Variants in BMERB1 observed in about 807,000 individuals in gnomAD.
BMERB1 encodes the protein bMERB domain containing 1, also known as bMERB domain-containing protein 1.
Under a neutral mutation model 23.6 loss-of-function variants are expected in BMERB1, and 12 were observed. The ratio of observed to expected loss-of-function variants is 0.51; its 90% CI spans 0.33 to 0.82. The LOEUF (loss-of-function observed/expected upper bound fraction) is 0.82. Among genes scored for constraint, BMERB1 ranks in the 40% least tolerant of loss-of-function variants. The pLI, the probability that BMERB1 is intolerant of heterozygous loss-of-function variation, is 0.03. For missense variants in BMERB1, 247 were observed against 255.4 expected, an observed-to-expected ratio of 0.97 and a Z score of 0.22; for synonymous variants, 122 against 96.6, an observed-to-expected ratio of 1.26 and a Z score of -1.54.
chr16:15,456,229 A>C (rs2051086370), intron 1 of BMERB1, among the ~76,000 whole-genome samples: 1 of 152,042 alleles, frequency 6.6e-6, no homozygotes, highest in South Asian at 2.1e-4. Flanking sequence ...TAACACATGG[A>C]TTTTAAAAAA....
At chr16:15,465,347 ATATATATTT>A (rs200420217) in intron 1 of BMERB1, among the ~76,000 whole-genome samples, 2,166 of 67,550 alleles carry the variant, frequency 0.032, 55 homozygotes, top group African/African-American at 0.069. Context: ...CAATGCTAAG[ATATATATTT>A]TTTTTTTTTT....
intron 1 of BMERB1, among the ~76,000 whole-genome samples, chr16:15,505,330 C>T (rs2051576243): frequency 1.3e-5 from 2 of 152,184 alleles, no homozygotes; most frequent in South Asian, 4.1e-4. Flanking sequence ...AATTATCAAC[C>T]TTTTTGATTA....
At chr16:15,550,074 C>T (rs145993113) in intron 2 of BMERB1, among the ~76,000 whole-genome samples, 1,655 of 151,968 alleles carry the variant, frequency 0.011, 22 homozygotes, top group Non-Finnish European at 0.013. Flanking sequence ...CTCAGCTTCC[C>T]GAGTAGCTGG....
chr16:15,439,415 A>C (rs1318431086), intron 1 of BMERB1, among the ~76,000 whole-genome samples: 1 of 152,192 alleles, frequency 6.6e-6, no homozygotes, highest in Non-Finnish European at 1.5e-5. Context: ...GCGCTCAATC[A>C]AGGTTGAATG....
intron 2 of BMERB1, among the ~76,000 whole-genome samples, chr16:15,516,716 C>T (rs757728383): frequency 1.9e-4 from 29 of 151,728 alleles, no homozygotes; most frequent in Non-Finnish European, 3.4e-4. Context: ...TGTGATCATC[C>T]CATTTTGCAG....
chr16:15,479,226 G>C (rs2051298522), intron 1 of BMERB1, among the ~76,000 whole-genome samples: 1 of 152,178 alleles, frequency 6.6e-6, no homozygotes, highest in Non-Finnish European at 1.5e-5. Context: ...TCCAATAGAA[G>C]ACTTTTTGAT....
intron 5 of BMERB1, 30 bp from the exon 6 acceptor site, chr16:15,586,687 C>G (rs902512787): frequency 2.6e-6 from 4 of 1,542,686 alleles, no homozygotes; most frequent in Non-Finnish European, 3.5e-6. Context: ...TCCTTTCTCC[C>G]CCTCTCCCTG....
chr16:15,526,969 TTTATTA>T (rs200416391), intron 2 of BMERB1, among the ~76,000 whole-genome samples: 1 of 148,012 alleles, frequency 6.8e-6, no homozygotes, highest in Non-Finnish European at 1.5e-5. Flanking sequence ...TTTATTATAT[TTTATTA>T]TTATTATAGT....
At chr16:15,521,667 C>T (rs559245945) in intron 2 of BMERB1, among the ~76,000 whole-genome samples, 3 of 152,220 alleles carry the variant, frequency 2.0e-5, no homozygotes, top group South Asian at 2.1e-4. Context: ...TTTGCTTGAC[C>T]CCTGGTTTCC....
At chr16:15,463,503 T>G (rs565850769) in intron 1 of BMERB1, among the ~76,000 whole-genome samples, 1 of 152,274 alleles carries the variant, frequency 6.6e-6, no homozygotes, top group African/African-American at 2.4e-5. Flanking sequence ...GAGTTGGGCT[T>G]TGTGGAGACA....
chr16:15,576,283 G>A lies in BMERB1; in HGVS notation c.305-4934G>A, dbSNP rs367674183. ...AGGATGGTCTCAACCTCCTGATCTC[G>A]TGATCTGCCCGCCTCGGCCTACCAA... On this transcript the variant is annotated intron_variant, in intron 3 of 5. Transcript: ENST00000300006. Among the ~76,000 whole-genome samples, 6 of 152,040 alleles carry A rather than the reference G, an allele frequency of 3.9e-5. No homozygotes were observed. The East Asian group carries it at 9.6e-4, about 24-fold the overall frequency.
At chr16:15,579,540 C>T (rs950167231) in intron 3 of BMERB1, among the ~76,000 whole-genome samples, 7 of 152,174 alleles carry the variant, frequency 4.6e-5, no homozygotes, top group Admixed American at 1.3e-4. Context: ...CAACGTCAGT[C>T]GTGGGCAGGC....
rs1419961871 is a variant in BMERB1 at position 15,515,442 on chromosome 16, G to A, written c.230+14G>A. ...GCTCAGGTTCATGTGAGTGTTTTGG[G>A]GATGTGGCCAAGGAAAGAAGTGTGT... On this transcript the variant is annotated intron_variant, in intron 2 of 5. Transcript: ENST00000300006. 1.2e-6 allele frequency: 2 copies of A among 1,611,794 alleles called. No individual in the cohort carries two copies. Among genetic ancestry groups the A allele is most frequent in the Middle Eastern group, 1.7e-4 (1 of 6,032 alleles).
At position 15,510,138 on chromosome 16, in the gene BMERB1, A is replaced by G. The variant is rs372926799; in HGVS notation, c.107-5167A>G. On this transcript the variant is annotated intron_variant, in intron 1 of 5. Transcript: ENST00000300006. The stretch of plus-strand genomic sequence containing the variant: ...CTGGAGAGCGCGTGACCCTGCCAAC[A>G]CCTTGGTTTCCGACTTCTGGCTTCC... 5.8e-4 allele frequency among the ~76,000 whole-genome samples: 89 copies of G among 152,198 alleles called. 3 individuals are homozygous for G. The South Asian group carries it at 0.018, about 30-fold the overall frequency.
At chr16:15,570,155 T>A (rs945586989) in intron 3 of BMERB1, among the ~76,000 whole-genome samples, 1 of 152,132 alleles carries the variant, frequency 6.6e-6, no homozygotes. Context: ...GACTTGAATG[T>A]TTTTGCCATG....
rs117080119 is a variant in BMERB1 at position 15,438,385 on chromosome 16, C to T, written c.106+3626C>T. Among the ~76,000 whole-genome samples the T allele has an allele frequency of 2.0e-3, 307 of 151,860 alleles. 6 individuals carry two copies. The East Asian group carries it at 0.045, about 22-fold the overall frequency. On this transcript the variant is annotated intron_variant, in intron 1 of 5. Transcript: ENST00000300006. ...TACAGGCATGAGCCACCACACCTGGCGAAAGCTGAAATTCTTAAAACGTGG... is the reference window on the plus strand; with the variant it reads ...TACAGGCATGAGCCACCACACCTGGTGAAAGCTGAAATTCTTAAAACGTGG...
At chr16:15,537,371 T>A (rs932034168) in intron 2 of BMERB1, among the ~76,000 whole-genome samples, 18 of 152,202 alleles carry the variant, frequency 1.2e-4, no homozygotes, top group Admixed American at 3.3e-4. Context: ...TTTTTTTTTT[T>A]TGAGACAGCA....
intron 2 of BMERB1, among the ~76,000 whole-genome samples, chr16:15,556,533 C>T (rs1005320719): frequency 6.6e-6 from 1 of 152,204 alleles, no homozygotes; most frequent in African/African-American, 2.4e-5. Flanking sequence ...TCTGTGCTTG[C>T]AGAATGGGGC....
intron 2 of BMERB1, among the ~76,000 whole-genome samples, chr16:15,534,177 C>G (rs2051998626): frequency 6.6e-6 from 1 of 150,684 alleles, no homozygotes; most frequent in South Asian, 2.1e-4. Flanking sequence ...AGCTTAAAAA[C>G]CATGACCAGT....
Sources: gnomAD v4.1 joint callset for allele counts (sites outside exome capture counted in the v4.1 genomes callset) on GRCh38, gnomAD v4.1.1 for gene constraint, MANE v1.5 for transcripts, NCBI Gene and HGNC (gene_info 2026-07-23, HGNC 2026-07-21) for gene names.